HELZ: variants seen among roughly 807,000 people sequenced by gnomAD.
The protein encoded by HELZ is ATP-dependent RNA helicase with zinc finger domain.
HELZ carries 23 observed loss-of-function variants against 218.2 expected under a neutral mutation model. The ratio of observed to expected loss-of-function variants is 0.11; its 90% CI spans 0.08 to 0.15. The LOEUF is 0.15. Ranked by LOEUF, HELZ falls within the 10% of genes least tolerant of loss-of-function variation. The pLI is 1.00. For synonymous variants in HELZ, 814 were observed against 829.4 expected (o/e 0.98, Z 0.32); for missense variants, 1,813 against 2,353.7 (o/e 0.77, Z 4.75).
rs968932419 is a variant in HELZ, at chr17:67,077,512, A to G, written c.*740T>C. ...TAAAAAAAAAAACACACACTATCAA[A>G]TTAACATTAAAAACAAGCTTGAAGT... On this transcript the variant is annotated 3_prime_UTR_variant, in exon 33 of 33. Transcript: ENST00000358691. 2 of 152,398 alleles carry G rather than the reference A, an allele frequency of 1.3e-5. No homozygotes were observed. Among genetic ancestry groups the G allele is most frequent in the Non-Finnish European group, 2.9e-5 (2 of 68,000 alleles). 9.4% of individuals were successfully genotyped at this position (152,398 alleles called of 1,614,324 possible).
chr17:67,151,314 G>A, intron 17 of HELZ, 90 bp from the exon 18 acceptor site: 7 of 1,027,744 alleles, frequency 6.8e-6, no homozygotes, highest in South Asian at 3.3e-5. Flanking sequence ...ATTTTAAGAT[G>A]GTAATATCTG....
chr17:67,193,344 C>CAAAAAAAAAAAAAAAAA (rs34516607), intron 9 of HELZ, among the ~76,000 whole-genome samples: 3 of 91,898 alleles, frequency 3.3e-5, no homozygotes, highest in Non-Finnish European at 4.4e-5. Flanking sequence ...GACTCTGTCT[C>CAAAAAAAAAAAAAAAAA]AAAAAAAAAA....
At chr17:67,210,179 A>G (rs1304440838) in intron 5 of HELZ, among the ~76,000 whole-genome samples, 2 of 152,194 alleles carry the variant, frequency 1.3e-5, no homozygotes, top group African/African-American at 4.8e-5. Context: ...AGCTATAATC[A>G]CGCCACTCTA....
chr17:67,152,006 G>C (rs1443843868), intron 17 of HELZ, among the ~76,000 whole-genome samples: 1 of 152,182 alleles, frequency 6.6e-6, no homozygotes, highest in Admixed American at 6.5e-5. Context: ...TGAGTTTGAT[G>C]AAAAGCCAAC....
intron 5 of HELZ, among the ~76,000 whole-genome samples, chr17:67,206,490 T>C (rs532744044): frequency 6.6e-6 from 1 of 152,348 alleles, no homozygotes; most frequent in East Asian, 1.9e-4. Flanking sequence ...GCAATTCCCT[T>C]TGCTTGTAAA....
intron 3 of HELZ, among the ~76,000 whole-genome samples, chr17:67,237,555 G>A (rs1199933201): frequency 6.6e-6 from 1 of 152,074 alleles, no homozygotes; most frequent in Non-Finnish European, 1.5e-5. Flanking sequence ...AAAGCAAAAT[G>A]TAGATAGATT....
intron 12 of HELZ, among the ~76,000 whole-genome samples, chr17:67,182,753 C>T (rs1470649532): frequency 6.6e-6 from 1 of 152,206 alleles, no homozygotes; most frequent in African/African-American, 2.4e-5. Flanking sequence ...ACTACTCTAA[C>T]ACAAGATACA....
chr17:67,245,258 C>CCCG, upstream of HELZ: 1 of 972,794 alleles, frequency 1.0e-6, no homozygotes, highest in Non-Finnish European at 1.2e-6. Flanking sequence ...ACTCCCGCCT[C>CCCG]CCGCCGCCGG....
intron 3 of HELZ, among the ~76,000 whole-genome samples, chr17:67,238,725 G>A (rs1471756844): frequency 1.3e-5 from 2 of 152,096 alleles, no homozygotes; most frequent in Non-Finnish European, 2.9e-5. Flanking sequence ...TGCCTCATAA[G>A]GAAAGTATTA....
At chr17:67,184,717 G>A (rs530311586) in intron 12 of HELZ, among the ~76,000 whole-genome samples, 11 of 152,188 alleles carry the variant, frequency 7.2e-5, no homozygotes, top group Admixed American at 3.3e-4. Flanking sequence ...TTAGGAGGCT[G>A]AGGTGGGAAG....
At chr17:67,148,470 T>C (rs911998220) in intron 20 of HELZ, 99 bp downstream of exon 20, 23 of 945,874 alleles carry the variant, frequency 2.4e-5, no homozygotes, top group Non-Finnish European at 3.7e-5. Flanking sequence ...TATGTAAGTG[T>C]GTTGGGAATC....
rs539116392 is a variant in HELZ at position 67,123,175 on chromosome 17, G to A, written c.3440-15C>T. 3 of 1,564,682 alleles carry A rather than the reference G, an allele frequency of 1.9e-6. No individual in the cohort carries two copies. Among genetic ancestry groups the A allele is most frequent in the East Asian group, 2.3e-5 (1 of 44,400 alleles). On this transcript the variant is annotated splice_polypyrimidine_tract_variant and intron_variant, in intron 25 of 32. Transcript: ENST00000358691. ...ATTGGGCTGAACTGAAAAATAAACA[G>A]AAAAAGGATGCACTCAACAGCTGTA...
At chr17:67,169,924 A>G (rs1480071720) in intron 13 of HELZ, among the ~76,000 whole-genome samples, 2 of 152,242 alleles carry the variant, frequency 1.3e-5, no homozygotes, top group Admixed American at 6.5e-5. Context: ...GAAGAAAGGA[A>G]TAAGTGGTTC....
chr17:67,176,482 C>T (rs2039460671), intron 13 of HELZ: 1 of 152,204 alleles, frequency 6.6e-6, no homozygotes. Flanking sequence ...GGAATTTCCA[C>T]ACCAAAAGAT....
Position 67,073,308 on chromosome 17 carries a change from G to A in HELZ, c.*4944C>T, listed in dbSNP as rs1405178610. 6.6e-6 allele frequency: 1 copy of A among 152,424 alleles called. No homozygotes were observed. Among genetic ancestry groups the A allele is most frequent in the East Asian group, 1.9e-4 (1 of 5,188 alleles). 9.4% of individuals were successfully genotyped at this position (152,424 alleles called of 1,614,324 possible). ...AATACAGAAGAGACCTCATATATGAGGTAGAAACAGTTAAAAAGACTCCCC... is the reference window on the plus strand; with the variant it reads ...AATACAGAAGAGACCTCATATATGAAGTAGAAACAGTTAAAAAGACTCCCC... On this transcript the variant is annotated 3_prime_UTR_variant, in exon 33 of 33. Transcript: ENST00000358691.
At chr17:67,245,028 C>T in intron 1 of HELZ, 120 bp downstream of exon 1, 1 of 985,276 alleles carries the variant, frequency 1.0e-6, no homozygotes, top group Non-Finnish European at 1.2e-6. Context: ...CCCCAGCCTG[C>T]CCCGGGGCCG....
intron 3 of HELZ, among the ~76,000 whole-genome samples, chr17:67,226,128 C>T (rs569700937): frequency 2.5e-4 from 38 of 151,768 alleles, no homozygotes; most frequent in African/African-American, 7.2e-4. Flanking sequence ...GGTGTGGTGG[C>T]GTGCACCTGT....
intron 31 of HELZ, among the ~76,000 whole-genome samples, chr17:67,097,250 G>A (rs931065179): frequency 2.0e-5 from 3 of 152,200 alleles, no homozygotes; most frequent in African/African-American, 7.2e-5. Flanking sequence ...TTAAAATACT[G>A]TGAGAATTGT....
intron 17 of HELZ, 50 bp from the exon 18 acceptor site, chr17:67,151,274 G>A: frequency 7.1e-7 from 1 of 1,399,988 alleles, no homozygotes; most frequent in Non-Finnish European, 9.9e-7. Context: ...TTTCTTAACA[G>A]TATCTAGTTA....
Sources: gnomAD v4.1 joint callset for allele counts (sites outside exome capture counted in the v4.1 genomes callset) on GRCh38, gnomAD v4.1.1 for gene constraint, MANE v1.5 for transcripts, NCBI Gene and HGNC (gene_info 2026-07-23, HGNC 2026-07-21) for gene names.